The following NEO1 variants were observed in gnomAD, a reference collection of about 807,000 sequenced individuals.
NEO1 encodes neogenin.
In NEO1, 63 loss-of-function variants were observed where a neutral mutation model predicts 159.7. That is an observed-to-expected ratio of 0.39 (90% CI 0.32 to 0.49). The LOEUF is 0.49. Among genes scored for constraint, NEO1 ranks in the 20% least tolerant of loss-of-function variants. The probability of loss-of-function intolerance (pLI) is 0.85; values close to 1 mark genes in which losing one functional copy is unlikely to be tolerated. For missense variants in NEO1, 1,615 were observed against 1,831.0 expected, an observed-to-expected ratio of 0.88 and a Z score of 2.15; for synonymous variants, 633 against 662.0, an observed-to-expected ratio of 0.96 and a Z score of 0.67.
chr15:73,054,942 G>A (rs534512097), intron 1 of NEO1, among the ~76,000 whole-genome samples: 1 of 152,300 alleles, frequency 6.6e-6, no homozygotes, highest in Admixed American at 6.5e-5. Context: ...GGGGATTATA[G>A]TGAATAGATT....
At chr15:73,252,392 T>C (rs1317766987) in intron 11 of NEO1, among the ~76,000 whole-genome samples, 3 of 152,206 alleles carry the variant, frequency 2.0e-5, no homozygotes, top group African/African-American at 4.8e-5. Flanking sequence ...TGTTCTAAAG[T>C]GAGGAACTAA....
intron 5 of NEO1, among the ~76,000 whole-genome samples, chr15:73,160,330 A>T (rs189892335): frequency 6.6e-6 from 1 of 152,186 alleles, no homozygotes; most frequent in East Asian, 1.9e-4. Context: ...ATGTCCTATA[A>T]TTCAGTTCAG....
At chr15:73,255,126 G>T (rs2040276065) in intron 13 of NEO1, among the ~76,000 whole-genome samples, 1 of 152,102 alleles carries the variant, frequency 6.6e-6, no homozygotes, top group Non-Finnish European at 1.5e-5. Context: ...TCTTAAAAAT[G>T]ATTAAAGAAA....
intron 2 of NEO1, among the ~76,000 whole-genome samples, chr15:73,121,847 A>G (rs1389001002): frequency 6.6e-6 from 1 of 151,896 alleles, no homozygotes; most frequent in Non-Finnish European, 1.5e-5. Flanking sequence ...ATATGTCCAC[A>G]TTGTTCTTTG....
chr15:73,253,089 A>T (rs2150954160), intron 11 of NEO1, among the ~76,000 whole-genome samples: 1 of 152,344 alleles, frequency 6.6e-6, no homozygotes, highest in Middle Eastern at 3.4e-3. Context: ...AGAAAAGTTG[A>T]GAGTCTTTAG....
intron 22 of NEO1, among the ~76,000 whole-genome samples, chr15:73,281,041 T>G (rs946544208): frequency 8.6e-5 from 13 of 150,840 alleles, no homozygotes; most frequent in African/African-American, 3.2e-4. Context: ...CCGTCTCTAC[T>G]AAAAATACAA....
chr15:73,176,510 G>C lies in NEO1; in HGVS notation c.1123G>C (p.Val375Leu). The C allele has an allele frequency of 6.2e-7, 1 of 1,611,698 alleles. No individual in the cohort carries two copies. Among genetic ancestry groups the C allele is most frequent in the Non-Finnish European group, 8.5e-7 (1 of 1,178,824 alleles). The change falls in exon 6 of 29, where the codon GTC (valine) becomes CTC (leucine). Residue 375 changes from valine (V) to leucine (L), a missense_variant. Around this residue, in one of 3 missense-constraint regions of NEO1, gnomAD observed 1,018 missense variants for 1,115.4 expected, o/e 0.91. Coordinates refer to ENST00000261908, the MANE Select transcript of NEO1 (RefSeq NM_002499.4). ...TGKPTPTVKWVKNGDMVIPSD... is the reference protein window; with the variant it reads ...TGKPTPTVKWLKNGDMVIPSD... Reference sequence around the variant, plus strand: ...AAAACCAACTCCAACTGTGAAGTGGGTCAAAAATGGGGATATGGTTATCCC... The same window carrying C: ...AAAACCAACTCCAACTGTGAAGTGGCTCAAAAATGGGGATATGGTTATCCC...
In NEO1 at chr15:73,254,823, A is replaced by G. The variant is rs1254072839; in HGVS notation, c.2086A>G (p.Ile696Val). 6.2e-7 allele frequency: 1 copy of G among 1,612,036 alleles called. No individual in the cohort carries two copies. Among genetic ancestry groups the G allele is most frequent in the East Asian group, 2.2e-5 (1 of 44,868 alleles). The change falls in exon 13 of 29, where the codon ATT (isoleucine) becomes GTT (valine). Residue 696 changes from isoleucine (I) to valine (V), a missense_variant. This residue lies in a region of NEO1 where 1,018 missense variants were observed against 1,115.4 expected (regional missense o/e 0.91). Transcript: ENST00000261908. ...AAGCGGGACACAGCTGTCTCAGCTG[A>G]TTGAAGGTAAGCTACCGTGCACAAA... ...LVSGTQLSQL[I>V]EGLDRGTEYN...
chr15:73,201,310 A>G (rs2036869340), intron 7 of NEO1, among the ~76,000 whole-genome samples: 2 of 151,918 alleles, frequency 1.3e-5, no homozygotes, highest in African/African-American at 4.8e-5. Context: ...CTGTTTTTAC[A>G]TCTAGCTCCC....
intron 21 of NEO1, among the ~76,000 whole-genome samples, chr15:73,275,377 C>T (rs545699410): frequency 1.8e-4 from 28 of 152,204 alleles, no homozygotes; most frequent in Admixed American, 7.2e-4. Context: ...AGGCCACGTA[C>T]GGTGGCTCAG....
At chr15:73,163,648 G>A (rs1207432677) in intron 5 of NEO1, among the ~76,000 whole-genome samples, 2 of 152,188 alleles carry the variant, frequency 1.3e-5, no homozygotes, top group Non-Finnish European at 2.9e-5. Flanking sequence ...ACCACCTGGA[G>A]ATCTTTTAAA....
At chr15:73,209,342 TC>T (rs2037419661) in intron 7 of NEO1, among the ~76,000 whole-genome samples, 1 of 152,212 alleles carries the variant, frequency 6.6e-6, no homozygotes, top group African/African-American at 2.4e-5. Context: ...ATGCAGCTCT[TC>T]TCACATTTTG....
intron 8 of NEO1, among the ~76,000 whole-genome samples, chr15:73,243,178 T>C (rs1257736123): frequency 1.3e-5 from 2 of 151,672 alleles, no homozygotes; most frequent in African/African-American, 4.8e-5. Flanking sequence ...CTGTAAATAT[T>C]GTGTGGGTAC....
At chr15:73,110,047 G>T (rs2070888874) in intron 1 of NEO1, among the ~76,000 whole-genome samples, 1 of 152,136 alleles carries the variant, frequency 6.6e-6, no homozygotes, top group Admixed American at 6.6e-5. Flanking sequence ...ATGTTGTTGA[G>T]ATCTTTGAAT....
At chr15:73,247,960 C>T (rs979991665) in intron 9 of NEO1, among the ~76,000 whole-genome samples, 3 of 152,168 alleles carry the variant, frequency 2.0e-5, no homozygotes, top group Admixed American at 6.5e-5. Context: ...TAGTAATCTC[C>T]TTACGGGTCT....
intron 26 of NEO1, among the ~76,000 whole-genome samples, chr15:73,294,836 G>A (rs761508185): frequency 3.3e-5 from 5 of 151,788 alleles, no homozygotes; most frequent in Non-Finnish European, 4.4e-5. Flanking sequence ...TACCGCGCCC[G>A]GTCCCCATTC....
rs956272298 is a variant in NEO1 at position 73,273,989 on chromosome 15, A to G, written c.3144A>G (p.Gln1048=). The G allele has an allele frequency of 3.1e-6, 5 of 1,613,826 alleles. No individual in the cohort carries two copies. In the African/African-American group the frequency reaches 6.7e-5, roughly 22 times the overall value. Residue 1048 remains glutamine, a synonymous_variant, in exon 20 of 29, where the codon CAA becomes CAG. Coordinates refer to ENST00000261908, the MANE Select transcript of NEO1 (RefSeq NM_002499.4). Reference sequence around the variant, plus strand: ...TGGGACCCATGTCTGAAGCTGTCCAATTCAGAACACCTAAAGGTAATGCTC... The same window carrying G: ...TGGGACCCATGTCTGAAGCTGTCCAGTTCAGAACACCTAAAGGTAATGCTC... ...KGMGPMSEAV[Q]FRTPKADSSD...
chr15:73,247,972 C>T (rs938516921), intron 9 of NEO1, among the ~76,000 whole-genome samples: 1 of 152,144 alleles, frequency 6.6e-6, no homozygotes, highest in African/African-American at 2.4e-5. Flanking sequence ...TACGGGTCTT[C>T]TTGAGCCCAC....
intron 5 of NEO1, among the ~76,000 whole-genome samples, chr15:73,151,259 A>G (rs904695446): frequency 1.3e-5 from 2 of 152,116 alleles, no homozygotes; most frequent in Non-Finnish European, 1.5e-5. Flanking sequence ...TTTGTGAGGT[A>G]TTTTCTAAAC....
Sources: allele counts gnomAD v4.1 joint callset (sites outside exome capture counted in the v4.1 genomes callset), GRCh38; gene constraint gnomAD v4.1.1; regional missense constraint gnomAD v4.1.1; transcripts MANE v1.5; gene names NCBI Gene and HGNC (gene_info 2026-07-23, HGNC 2026-07-21).